ADGRV1: variants seen among roughly 807,000 people sequenced by gnomAD.
ADGRV1 encodes adhesion G protein-coupled receptor V1.
Under a neutral mutation model 596.2 loss-of-function variants are expected in ADGRV1, and 359 were observed. The ratio of observed to expected loss-of-function variants is 0.60; its 90% CI spans 0.55 to 0.66. The LOEUF is 0.66. Ranked by LOEUF, ADGRV1 falls within the 30% of genes least tolerant of loss-of-function variation. The pLI, the probability that ADGRV1 is intolerant of heterozygous loss-of-function variation, is 0.00. For synonymous variants in ADGRV1, 2,681 were observed against 2,679.2 expected, an observed-to-expected ratio of 1.00 and a Z score of -0.02; for missense variants, 7,274 against 7,575.6, an observed-to-expected ratio of 0.96 and a Z score of 1.48.
chr5:90,810,642 G>C lies in ADGRV1; in HGVS notation c.15382G>C (p.Asp5128His), dbSNP rs779381953. Residue 5128 changes from aspartate to histidine, a missense_variant, in exon 74 of 90, where the codon GAT becomes CAT. Asp to His is a moderately conservative substitution (Grantham distance 81). Coordinates refer to ENST00000405460, the MANE Select transcript of ADGRV1 (RefSeq NM_032119.4). ...SVAVITILDN[D>H]DLAGMDISFP... ...TGCAGTGATTACAATATTGGATAAT[G>C]ATGACCTGGCAGGAATGGATATTTC... is the stretch of plus-strand genomic sequence containing the variant. 2.5e-6 allele frequency: 4 copies of C among 1,613,808 alleles called. No homozygotes were observed. In the African/African-American group the frequency reaches 4.0e-5, roughly 16 times the overall value.
chr5:91,091,804 C>T (rs1312268550), intron 86 of ADGRV1: 1 of 151,962 alleles, frequency 6.6e-6, no homozygotes. Context: ...TGAAGCTAGC[C>T]TTCCTCCACC....
At chr5:90,857,323 T>C (rs1180759216) in intron 82 of ADGRV1, among the ~76,000 whole-genome samples, 2 of 152,014 alleles carry the variant, frequency 1.3e-5, no homozygotes, top group Non-Finnish European at 2.9e-5. Flanking sequence ...CATGTTTCCA[T>C]AGAGGCATAG....
intron 25 of ADGRV1, among the ~76,000 whole-genome samples, chr5:90,679,175 G>A (rs562140586): frequency 6.6e-5 from 10 of 152,258 alleles, no homozygotes; most frequent in African/African-American, 1.9e-4. Context: ...GATTATCACA[G>A]GCATATTAGG....
At chr5:91,092,290 G>T (rs555904232) in intron 86 of ADGRV1, among the ~76,000 whole-genome samples, 3 of 152,144 alleles carry the variant, frequency 2.0e-5, no homozygotes, top group African/African-American at 7.2e-5. Context: ...GTAGAGATGG[G>T]GTTTCACCAT....
intron 1 of ADGRV1, among the ~76,000 whole-genome samples, chr5:90,564,093 G>A (rs1291988848): frequency 6.6e-6 from 1 of 152,144 alleles, no homozygotes; most frequent in African/African-American, 2.4e-5. Flanking sequence ...ACTGAAAGAA[G>A]GCATAATAGA....
Position 90,705,519 on chromosome 5 carries a change from TTAC to T in ADGRV1, c.8510_8512del (p.Leu2837del). The stretch of plus-strand genomic sequence containing the variant: ...TTTTGCTCTTTCATCAAGATTTGTG[TTAC>T]TACAAGAGGCTAACATAACAATTCA... On this transcript the variant is annotated inframe_deletion, in exon 37 of 90. Transcript: ENST00000405460. The T allele has an allele frequency of 6.2e-7, 1 of 1,613,904 alleles. No individual in the cohort carries two copies. Among genetic ancestry groups the T allele is most frequent in the Non-Finnish European group, 8.5e-7 (1 of 1,179,810 alleles).
rs1259842291 is a variant in ADGRV1 at position 90,622,617 on chromosome 5, T to C, written c.474T>C (p.Ser158=). The part of the protein sequence containing the change: ...SFNMLPSIAV[S]EPKGRNESMP... ...AATAGCTTCCCTCAATCGCAGTGAG[T>C]GAGCCCAAGGGCAGAAATGAGTCTA... The change falls in exon 5 of 90, where the codon AGT becomes AGC. Residue 158 remains serine, a synonymous_variant. Transcript: ENST00000405460. The C allele has an allele frequency of 4.1e-6, 6 of 1,476,804 alleles. No individual in the cohort carries two copies. The highest frequency in any genetic ancestry group is 5.4e-6 in the Non-Finnish European group (6 of 1,111,758). The allele number at this position is 1,476,804 out of a possible 1,614,324, so 91.5% of individuals were successfully genotyped here.
At chr5:90,786,546 T>C (rs955531701) in intron 67 of ADGRV1, among the ~76,000 whole-genome samples, 2 of 152,120 alleles carry the variant, frequency 1.3e-5, no homozygotes, top group African/African-American at 2.4e-5. Flanking sequence ...TGGGGCAGCA[T>C]AGGAGCAGGA....
intron 88 of ADGRV1, 36 bp downstream of exon 88, chr5:91,150,257 G>GTCTCTCTC: frequency 7.1e-7 from 1 of 1,411,516 alleles, no homozygotes; most frequent in Non-Finnish European, 9.4e-7. Flanking sequence ...CTGTCTCTCT[G>GTCTCTCTC]TCTCTGTCTC....
In ADGRV1 at chr5:90,627,248, A is replaced by G. The variant is rs2149375922; in HGVS notation, c.710A>G (p.Lys237Arg). The G allele has an allele frequency of 6.4e-7, 1 of 1,564,838 alleles. No homozygotes were observed. Among genetic ancestry groups the G allele is most frequent in the East Asian group, 2.3e-5 (1 of 44,344 alleles). The change falls in exon 7 of 90, where the codon AAA (lysine) becomes AGA (arginine). Residue 237 changes from lysine to arginine, a missense_variant. Around this residue, in one of 5 missense-constraint regions of ADGRV1, gnomAD observed 1,715 missense variants for 1,708.8 expected, o/e 1.00. Transcript: ENST00000405460. ...ENDEIFLIQLKSVEGGAEINT... is the reference protein window; with the variant it reads ...ENDEIFLIQLRSVEGGAEINT... Reference sequence around the variant, plus strand: ...GATGAAATATTTTTAATTCAACTGAAAAGTGTAGAAGGAGGAGCTGAGATT... The same window carrying G: ...GATGAAATATTTTTAATTCAACTGAGAAGTGTAGAAGGAGGAGCTGAGATT...
At chr5:90,819,339 T>A (rs1241607527) in intron 75 of ADGRV1, among the ~76,000 whole-genome samples, 26 of 151,656 alleles carry the variant, frequency 1.7e-4, no homozygotes, top group African/African-American at 4.1e-4. Context: ...GCGGTCTATC[T>A]ATTTTGTTGA....
intron 83 of ADGRV1, among the ~76,000 whole-genome samples, chr5:90,875,109 G>A (rs146253686): frequency 1.1e-3 from 172 of 152,234 alleles, no homozygotes; most frequent in African/African-American, 3.9e-3. Context: ...GAGTCCAGGA[G>A]TTTGAGCCTG....
intron 87 of ADGRV1, among the ~76,000 whole-genome samples, chr5:91,116,691 A>G (rs1233169617): frequency 6.6e-6 from 1 of 152,222 alleles, no homozygotes. Flanking sequence ...ATAAATGTGA[A>G]GTAGACATAA....
In ADGRV1 at chr5:90,681,296, T is replaced by C; in HGVS notation, c.5525-19T>C. On this transcript the variant is annotated intron_variant, in intron 26 of 89. Transcript: ENST00000405460. ...GATCATCATTTTTTTTTTCTATTTG[T>C]TGGAACTTGTTCATGCAGCCAGTCT... is the stretch of plus-strand genomic sequence containing the variant. The C allele has an allele frequency of 6.2e-7, 1 of 1,605,374 alleles. No individual in the cohort carries two copies. The highest frequency in any genetic ancestry group is 8.5e-7 in the Non-Finnish European group (1 of 1,176,738).
At chr5:91,003,575 C>T (rs1056146775) in intron 85 of ADGRV1, among the ~76,000 whole-genome samples, 1 of 152,130 alleles carries the variant, frequency 6.6e-6, no homozygotes, top group Admixed American at 6.6e-5. Context: ...GAAAACATCT[C>T]GCCTTGTGGA....
chr5:90,749,125 T>G (rs1429098407), intron 52 of ADGRV1, among the ~76,000 whole-genome samples: 2 of 152,232 alleles, frequency 1.3e-5, no homozygotes, highest in Non-Finnish European at 2.9e-5. Flanking sequence ...GAATGGTAGA[T>G]TTCCCTTTAT....
intron 83 of ADGRV1, among the ~76,000 whole-genome samples, chr5:90,926,521 C>CT (rs1360329467): frequency 1.3e-5 from 2 of 150,794 alleles, no homozygotes; most frequent in Non-Finnish European, 1.5e-5. Flanking sequence ...ATTCTTCTCT[C>CT]TTTTTTTTCT....
At chr5:91,111,768 G>T (rs1199826478) in intron 87 of ADGRV1, among the ~76,000 whole-genome samples, 1 of 152,112 alleles carries the variant, frequency 6.6e-6, no homozygotes, top group African/African-American at 2.4e-5. Flanking sequence ...GCCAAGGGAG[G>T]CTGGGACTCT....
At chr5:90,730,674 G>T (rs1376160336) in intron 50 of ADGRV1, among the ~76,000 whole-genome samples, 1 of 152,156 alleles carries the variant, frequency 6.6e-6, no homozygotes, top group African/African-American at 2.4e-5. Context: ...TTTAGGGTTG[G>T]CAAGGAATCC....
Sources: allele counts gnomAD v4.1 joint callset (sites outside exome capture counted in the v4.1 genomes callset), GRCh38; gene constraint gnomAD v4.1.1; regional missense constraint gnomAD v4.1.1; transcripts MANE v1.5; gene names NCBI Gene and HGNC (gene_info 2026-07-23, HGNC 2026-07-21).